PRKCB: variants seen among roughly 807,000 people sequenced by gnomAD.
PRKCB encodes the protein protein kinase C beta.
A neutral mutation model predicts 81.5 loss-of-function variants in PRKCB; 13 were observed. That is an observed-to-expected ratio of 0.16 (90% CI 0.10 to 0.25). PRKCB has a LOEUF of 0.25. PRKCB is among the 10% of genes least tolerant of loss of function. The pLI, the probability that PRKCB is intolerant of heterozygous loss-of-function variation, is 1.00. For synonymous variants in PRKCB, 335 were observed against 321.4 expected (o/e 1.04, Z -0.45); for missense variants, 509 against 875.7 (o/e 0.58, Z 5.29).
rs1414187928 is a variant in PRKCB at position 23,928,955 on chromosome 16, G to T, written c.206-59553G>T. Among the ~76,000 whole-genome samples the T allele has an allele frequency of 2.0e-5, 3 of 152,128 alleles. No individual in the cohort carries two copies. The East Asian group carries it at 5.8e-4, about 29-fold the overall frequency. Reference sequence around the variant, plus strand: ...GCTGTTCCCGACCTCCTGACCTCGTGATCCGCCCGCCTCGGCATCCCAAAG... The same window carrying T: ...GCTGTTCCCGACCTCCTGACCTCGTTATCCGCCCGCCTCGGCATCCCAAAG... On this transcript the variant is annotated intron_variant, in intron 2 of 16. Coordinates refer to ENST00000643927, the MANE Select transcript of PRKCB (RefSeq NM_002738.7).
chr16:23,880,997 T>C (rs1963097472), intron 2 of PRKCB, among the ~76,000 whole-genome samples: 1 of 152,140 alleles, frequency 6.6e-6, no homozygotes, highest in South Asian at 2.1e-4. Context: ...ATGGGGGTAT[T>C]TTCCATTTCT....
chr16:24,113,007 T>A lies in PRKCB; in HGVS notation c.856T>A (p.Phe286Ile). Residue 286 changes from phenylalanine to isoleucine, a missense_variant, in exon 8 of 17, where the codon TTC (phenylalanine) becomes ATC (isoleucine). Around this residue, in one of 6 missense-constraint regions of PRKCB, gnomAD observed 184 missense variants for 362.9 expected, o/e 0.51. Transcript: ENST00000643927. ...ACTGAGCCAGGAGGAAGGCGAGTAC[T>A]TCAATGTGCCTGTGCCACCAGAAGG... ...KLLSQEEGEY[F>I]NVPVPPEGSE... 1 of 1,613,150 alleles carries A rather than the reference T, an allele frequency of 6.2e-7. No homozygotes were observed. Among genetic ancestry groups the A allele is most frequent in the Non-Finnish European group, 8.5e-7 (1 of 1,179,426 alleles).
At chr16:24,126,051 AAG>A (rs1966843740) in intron 9 of PRKCB, among the ~76,000 whole-genome samples, 1 of 152,204 alleles carries the variant, frequency 6.6e-6, no homozygotes, top group African/African-American at 2.4e-5. Flanking sequence ...TTATGGAAGA[AAG>A]AGAGTTAAGG....
intron 2 of PRKCB, among the ~76,000 whole-genome samples, chr16:23,973,004 C>T (rs958466564): frequency 2.0e-5 from 3 of 152,148 alleles, no homozygotes; most frequent in Non-Finnish European, 4.4e-5. Flanking sequence ...TGTGTTGTCA[C>T]ATTTAATCCC....
chr16:24,152,705 G>A (rs1051872752), intron 9 of PRKCB, among the ~76,000 whole-genome samples: 2 of 152,262 alleles, frequency 1.3e-5, no homozygotes, highest in East Asian at 3.9e-4. Flanking sequence ...CATTGAGGAA[G>A]GAAAATACAT....
At chr16:23,911,825 C>CTTTTTTT (rs1567311221) in intron 2 of PRKCB, among the ~76,000 whole-genome samples, 1 of 126,372 alleles carries the variant, frequency 7.9e-6, no homozygotes, top group Non-Finnish European at 1.6e-5. Flanking sequence ...GCGCGACCCA[C>CTTTTTTT]ATTTTTTTTT....
intron 7 of PRKCB, among the ~76,000 whole-genome samples, chr16:24,105,119 C>T (rs1429437501): frequency 1.3e-5 from 2 of 151,458 alleles, no homozygotes; most frequent in Admixed American, 1.3e-4. Context: ...TGCAGTGGCA[C>T]GATCTCAGCT....
intron 2 of PRKCB, among the ~76,000 whole-genome samples, chr16:23,903,660 T>G (rs535790967): frequency 2.0e-5 from 3 of 152,082 alleles, no homozygotes; most frequent in Non-Finnish European, 4.4e-5. Context: ...AGCAGTGGAA[T>G]TGTTCTTGGA....
Position 24,216,880 on chromosome 16 carries a change from C to T in PRKCB, c.*2064C>T. 1 of 985,442 alleles carries T rather than the reference C, an allele frequency of 1.0e-6. No homozygotes were observed. Among genetic ancestry groups the T allele is most frequent in the Non-Finnish European group, 1.2e-6 (1 of 829,952 alleles). The allele number at this position is 985,442 out of a possible 1,614,324, so 61.0% of individuals were successfully genotyped here. ...TGGGATAAAAACCTGGGTGTCCTGT[C>T]CAGAAAGTGCAGGGTGCTTTCTGCT... On this transcript the variant is annotated 3_prime_UTR_variant, in exon 17 of 17. Coordinates refer to ENST00000643927, the MANE Select transcript of PRKCB (RefSeq NM_002738.7).
At chr16:24,001,151 C>T (rs966999164) in intron 3 of PRKCB, among the ~76,000 whole-genome samples, 1 of 152,130 alleles carries the variant, frequency 6.6e-6, no homozygotes, top group African/African-American at 2.4e-5. Flanking sequence ...CTCTGACCTG[C>T]CAAGAAATAA....
Position 24,018,297 on chromosome 16 carries a change from C to T in PRKCB, c.289-13839C>T, listed in dbSNP as rs529592974. Among the ~76,000 whole-genome samples the T allele has an allele frequency of 4.6e-5, 7 of 152,256 alleles. No homozygotes were observed. In the South Asian group the frequency reaches 1.0e-3, roughly 23 times the overall value. On this transcript the variant is annotated intron_variant, in intron 3 of 16. Transcript: ENST00000643927. ...AACTCCTGGGCTCAAGCAGTCCTCC[C>T]ACCATGGCCTCCCAAAGTGCTGGGA...
At chr16:24,117,895 C>T (rs1178956655) in intron 8 of PRKCB, among the ~76,000 whole-genome samples, 1 of 152,232 alleles carries the variant, frequency 6.6e-6, no homozygotes, top group Non-Finnish European at 1.5e-5. Flanking sequence ...CCGTCGGCTC[C>T]CCTTCCGTTG....
At chr16:23,882,021 T>TCTTTCTTTCTTC in intron 2 of PRKCB, among the ~76,000 whole-genome samples, 961 of 55,614 alleles carry the variant, frequency 0.017, 64 homozygotes, top group African/African-American at 0.051. Context: ...TTTCTTTCTT[T>TCTTTCTTTCTTC]CTTCCTTCCT....
Position 24,021,072 on chromosome 16 carries a change from C to CTCCTTTCTTTCTTTCT in PRKCB, c.289-11063_289-11062insCCTTTCTTTCTTTCTT. Among the ~76,000 whole-genome samples the CTCCTTTCTTTCTTTCT allele has an allele frequency of 1.1e-3, 102 of 94,470 alleles. 5 individuals carry two copies. Among genetic ancestry groups the CTCCTTTCTTTCTTTCT allele is most frequent in the African/African-American group, 4.3e-3 (100 of 23,472 alleles). The allele number at this position is 94,470 out of a possible 152,430, so 62.0% of individuals were successfully genotyped here. A position where few individuals can be genotyped will look rare whatever the true frequency, so the allele number is the denominator to read the frequency against. ...TTTCTTTCTTTCCCTCCCTCCCTCC[C>CTCCTTTCTTTCTTTCT]TTCTTTCTTTCTTTCTTTTTTTCTT... On this transcript the variant is annotated intron_variant, in intron 3 of 16. Coordinates refer to ENST00000643927, the MANE Select transcript of PRKCB (RefSeq NM_002738.7).
intron 2 of PRKCB, among the ~76,000 whole-genome samples, chr16:23,867,469 A>ATG (rs1962828810): frequency 6.6e-6 from 1 of 152,214 alleles, no homozygotes; most frequent in Non-Finnish European, 1.5e-5. Context: ...TATTTATTGG[A>ATG]CAATTGTATT....
At chr16:24,104,234 T>A (rs908631844) in intron 7 of PRKCB, among the ~76,000 whole-genome samples, 1 of 152,238 alleles carries the variant, frequency 6.6e-6, no homozygotes, top group East Asian at 1.9e-4. Flanking sequence ...TTTTGCCTTA[T>A]CTGTATATGG....
intron 5 of PRKCB, among the ~76,000 whole-genome samples, chr16:24,089,820 A>G (rs1966355613): frequency 6.6e-6 from 1 of 152,134 alleles, no homozygotes; most frequent in Non-Finnish European, 1.5e-5. Flanking sequence ...AAACGTAGTG[A>G]AAGAGGGCAT....
At chr16:23,982,681 G>A (rs1442156487) in intron 2 of PRKCB, among the ~76,000 whole-genome samples, 2 of 151,910 alleles carry the variant, frequency 1.3e-5, no homozygotes, top group South Asian at 2.1e-4. Flanking sequence ...CTCCTGCCTC[G>A]ACCTCCCAAA....
At chr16:24,069,917 C>A (rs760198186) in intron 5 of PRKCB, among the ~76,000 whole-genome samples, 1 of 152,172 alleles carries the variant, frequency 6.6e-6, no homozygotes, top group South Asian at 2.1e-4. Flanking sequence ...CCCGAGATGA[C>A]GTGATTCATG....
Sources: allele counts gnomAD v4.1 joint callset (sites outside exome capture counted in the v4.1 genomes callset), GRCh38; gene constraint gnomAD v4.1.1; regional missense constraint gnomAD v4.1.1; transcripts MANE v1.5; gene names NCBI Gene and HGNC (gene_info 2026-07-23, HGNC 2026-07-21).